The following ACVR1B variants were observed in gnomAD, a reference collection of about 807,000 sequenced individuals.
The protein encoded by ACVR1B is activin receptor type-1B.
In ACVR1B, 15 loss-of-function variants were observed where a neutral mutation model predicts 55.6. The observed-to-expected ratio is 0.27, with a 90% CI of 0.18 to 0.42. ACVR1B has a LOEUF of 0.42. Ranked by LOEUF, ACVR1B falls within the 10% of genes least tolerant of loss-of-function variation. The probability of loss-of-function intolerance (pLI) is 1.00; values close to 1 mark genes in which losing one functional copy is unlikely to be tolerated. For missense variants in ACVR1B, 359 were observed against 670.1 expected, an observed-to-expected ratio of 0.54 and a Z score of 5.13; for synonymous variants, 247 against 254.6, an observed-to-expected ratio of 0.97 and a Z score of 0.28.
At position 51,994,411 on chromosome 12, in the gene ACVR1B, C is replaced by T; in HGVS notation, c.*301C>T. On this transcript the variant is annotated 3_prime_UTR_variant, in exon 9 of 9. Transcript: ENST00000257963. The surrounding 1 kb of genome is among the most constrained non-coding windows in gnomAD (Gnocchi z 4.2). ...GTCCCGCGAAACCCGGTGCATCTGG[C>T]ACGTGGCCAGGAGCCATGACAGGGG... is the stretch of plus-strand genomic sequence containing the variant. 2.9e-6 allele frequency: 1 copy of T among 347,374 alleles called. No homozygotes were observed. Among genetic ancestry groups the T allele is most frequent in the Non-Finnish European group, 5.4e-6 (1 of 185,904 alleles). 21.5% of individuals were successfully genotyped at this position (347,374 alleles called of 1,614,324 possible).
chr12:51,994,727 A>AGT lies in ACVR1B; in HGVS notation c.*630_*631dup, dbSNP rs140145955. The AGT allele has an allele frequency of 6.5e-5, 10 of 152,836 alleles. No individual in the cohort carries two copies. Among genetic ancestry groups the AGT allele is most frequent in the Non-Finnish European group, 1.3e-4 (9 of 68,604 alleles). The allele number at this position is 152,836 out of a possible 1,614,324, so 9.5% of individuals were successfully genotyped here. On this transcript the variant is annotated 3_prime_UTR_variant, in exon 9 of 9. Transcript: ENST00000257963. This position sits in a 1 kb window ranked among gnomAD's most constrained non-coding sequence, Gnocchi z 4.2. Reference sequence around the variant, plus strand: ...TGCCATGCCCTTACACGTGCGTGTGAGTGTGTGTGTGTGTCTGTAGGTGCG... The same window carrying AGT: ...TGCCATGCCCTTACACGTGCGTGTGAGTGTGTGTGTGTGTGTCTGTAGGTGCG...
intron 8 of ACVR1B, 63 bp from the exon 9 acceptor site, chr12:51,993,922 C>T (rs1039439624): frequency 1.2e-5 from 19 of 1,595,820 alleles, no homozygotes; most frequent in Non-Finnish European, 1.6e-5. Flanking sequence ...GAGTGAGAGC[C>T]TAGGGACCAG....
At chr12:51,988,637 A>G (rs1272803255) in intron 7 of ACVR1B, among the ~76,000 whole-genome samples, 1 of 152,236 alleles carries the variant, frequency 6.6e-6, no homozygotes, top group Non-Finnish European at 1.5e-5. Context: ...CTACAAGTAA[A>G]TAATAAGTAG....
Position 51,975,372 on chromosome 12 carries a change from C to A in ACVR1B, c.199C>A (p.Arg67Ser). ...TCTGGATGGGATGGAGCACCATGTGCGCACCTGCATCCCCAAAGTGGAGCT... is the reference window on the plus strand; with the variant it reads ...TCTGGATGGGATGGAGCACCATGTGAGCACCTGCATCCCCAAAGTGGAGCT... ...FNLDGMEHHV[R>S]TCIPKVELVP... The change falls in exon 2 of 9, where the codon CGC (arginine) becomes AGC (serine). Residue 67 changes from arginine to serine, a missense_variant. Coordinates refer to ENST00000257963, the MANE Select transcript of ACVR1B (RefSeq NM_004302.5). 2 of 1,614,142 alleles carry A rather than the reference C, an allele frequency of 1.2e-6. No homozygotes were observed. The highest frequency in any genetic ancestry group is 3.3e-5 in the Admixed American group (2 of 60,018).
At chr12:51,992,222 GGGCCTGGTGTGGTGGCATA>G in intron 8 of ACVR1B, 1 of 585,566 alleles carries the variant, frequency 1.7e-6, no homozygotes, top group Non-Finnish European at 3.0e-6. Flanking sequence ...AAAAGGCTTT[GGGCCTGGTGTGGTGGCATA>G]GGCCTGTAAT....
rs569788942 is a variant in ACVR1B at position 51,976,233 on chromosome 12, G to A, written c.332-94G>A. ...GCCTGAACACATCGACAGGGAAAGG[G>A]GTCTTTTTCACTCTTCACTTTGAGG... On this transcript the variant is annotated intron_variant, in intron 2 of 8. Transcript: ENST00000257963. 13 of 1,443,750 alleles carry A rather than the reference G, an allele frequency of 9.0e-6. No homozygotes were observed. The East Asian group carries it at 1.4e-4, about 15-fold the overall frequency. 89.4% of individuals were successfully genotyped at this position (1,443,750 alleles called of 1,614,324 possible).
rs1565618945 is a variant in ACVR1B, at chr12:51,981,059, G to C, written c.671G>C (p.Gly224Ala). ...GKGRFGEVWR[G>A]RWRGGDVAVK... ...GGTCGGTTTGGGGAAGTATGGCGGG[G>C]CCGCTGGAGGGGTGGTGATGTGGCT... is the stretch of plus-strand genomic sequence containing the variant. The change falls in exon 4 of 9, where the codon GGC (glycine) becomes GCC (alanine). Residue 224 changes from glycine to alanine, a missense_variant. Gly to Ala is a moderately conservative substitution (Grantham distance 60). Around this residue, in one of 5 missense-constraint regions of ACVR1B, gnomAD observed 119 missense variants for 340.2 expected, o/e 0.35. Transcript: ENST00000257963. The C allele has an allele frequency of 6.2e-7, 1 of 1,614,186 alleles. No homozygotes were observed. Among genetic ancestry groups the C allele is most frequent in the Admixed American group, 1.7e-5 (1 of 60,034 alleles).
At chr12:51,957,441 C>CA (rs76826910) in intron 1 of ACVR1B, among the ~76,000 whole-genome samples, 4,147 of 96,070 alleles carry the variant, frequency 0.043, 68 homozygotes, top group African/African-American at 0.05. Flanking sequence ...GAGACTCCGT[C>CA]AAAAAAAAAA....
intron 1 of ACVR1B, among the ~76,000 whole-genome samples, chr12:51,965,222 C>T (rs1941616872): frequency 1.3e-5 from 2 of 152,030 alleles, no homozygotes; most frequent in South Asian, 4.1e-4. Flanking sequence ...GTAATTATCT[C>T]TGGGGCAGGA....
At chr12:51,952,054 C>G (rs1457879668) in intron 1 of ACVR1B, among the ~76,000 whole-genome samples, 1 of 152,078 alleles carries the variant, frequency 6.6e-6, no homozygotes, top group Non-Finnish European at 1.5e-5. Flanking sequence ...CCCTGGGGAC[C>G]CGAGCCCTGT....
At chr12:51,955,868 CCAACTTA>C (rs1464005825) in intron 1 of ACVR1B, among the ~76,000 whole-genome samples, 1 of 152,230 alleles carries the variant, frequency 6.6e-6, no homozygotes, top group Non-Finnish European at 1.5e-5. Flanking sequence ...CCTTTTAAGT[CCAACTTA>C]CATTTCTCTC....
At chr12:51,981,616 G>C (rs1204962272) in intron 4 of ACVR1B, among the ~76,000 whole-genome samples, 1 of 152,206 alleles carries the variant, frequency 6.6e-6, no homozygotes, top group Non-Finnish European at 1.5e-5. Context: ...CAGATCACTT[G>C]AGGTCAGGAG....
intron 8 of ACVR1B, among the ~76,000 whole-genome samples, chr12:51,993,144 G>C (rs1942226410): frequency 6.6e-6 from 1 of 152,218 alleles, no homozygotes. Flanking sequence ...TGTGTAGTGA[G>C]AGCAGTTGAG....
chr12:51,986,713 A>C (rs2082286642), intron 6 of ACVR1B, 105 bp from the exon 7 acceptor site: 6 of 1,457,928 alleles, frequency 4.1e-6, no homozygotes, highest in Non-Finnish European at 5.5e-6. Context: ...GGACTTTATC[A>C]GGGTGATACT....
At chr12:51,966,441 C>G (rs1941642116) in intron 1 of ACVR1B, among the ~76,000 whole-genome samples, 1 of 152,124 alleles carries the variant, frequency 6.6e-6, no homozygotes, top group Non-Finnish European at 1.5e-5. Context: ...TCATTTAGAT[C>G]TGGATTTTCA....
intron 1 of ACVR1B, among the ~76,000 whole-genome samples, chr12:51,974,297 G>A (rs527408022): frequency 3.9e-4 from 59 of 152,272 alleles, no homozygotes; most frequent in African/African-American, 1.3e-3. Flanking sequence ...AGACAGTGTT[G>A]GGGAGAACCA....
At position 51,985,357 on chromosome 12, in the gene ACVR1B, G is replaced by T; in HGVS notation, c.1136+9G>T. On this transcript the variant is annotated intron_variant, in intron 6 of 8. Coordinates refer to ENST00000257963, the MANE Select transcript of ACVR1B (RefSeq NM_004302.5). The stretch of plus-strand genomic sequence containing the variant: ...AGGGTGGGGACCAAACGGTAGGAGG[G>T]CCTGGGACTCTGCCCTTGCTAAGCA... 1 of 1,604,362 alleles carries T rather than the reference G, an allele frequency of 6.2e-7. No individual in the cohort carries two copies. The highest frequency in any genetic ancestry group is 8.5e-7 in the Non-Finnish European group (1 of 1,175,954).
chr12:51,962,590 C>T (rs1358650519), intron 1 of ACVR1B, among the ~76,000 whole-genome samples: 2 of 152,016 alleles, frequency 1.3e-5, no homozygotes, highest in Non-Finnish European at 2.9e-5. Context: ...TAGAACTTTG[C>T]TAGTACAGTA....
chr12:51,971,341 T>TAA (rs1291868778), intron 1 of ACVR1B, among the ~76,000 whole-genome samples: 7 of 152,226 alleles, frequency 4.6e-5, no homozygotes, highest in African/African-American at 1.7e-4. Context: ...ACTAACTTGT[T>TAA]AATGACAAAA....
Sources: gnomAD v4.1 joint callset for allele counts (sites outside exome capture counted in the v4.1 genomes callset) on GRCh38, gnomAD v4.1.1 for gene constraint, gnomAD v4.1.1 regional missense constraint, Gnocchi (gnomAD v3.1) non-coding constraint, MANE v1.5 for transcripts, NCBI Gene and HGNC (gene_info 2026-07-23, HGNC 2026-07-21) for gene names.